Variants in IARS2 observed in about 807,000 individuals in gnomAD.
The protein encoded by IARS2 is isoleucine--tRNA ligase, mitochondrial.
A neutral mutation model predicts 126.3 loss-of-function variants in IARS2; 56 were observed. The ratio of observed to expected loss-of-function variants is 0.44; its 90% CI spans 0.36 to 0.55. The LOEUF (loss-of-function observed/expected upper bound fraction) is 0.55. Among genes scored for constraint, IARS2 ranks in the 20% least tolerant of loss-of-function variants. The pLI is 0.00. For synonymous variants in IARS2, 407 were observed against 441.1 expected, an observed-to-expected ratio of 0.92 and a Z score of 0.97; for missense variants, 1,127 against 1,245.9, an observed-to-expected ratio of 0.90 and a Z score of 1.44.
At position 220,103,358 on chromosome 1, in the gene IARS2, T is replaced by A. The variant is rs1342570045; in HGVS notation, c.951-89T>A. 9.9e-5 allele frequency: 86 copies of A among 872,906 alleles called. 1 individual carries two copies. The South Asian group carries it at 1.3e-3, about 13-fold the overall frequency. The allele number at this position is 872,906 out of a possible 1,614,324, so 54.1% of individuals were successfully genotyped here. ...CCACCGCGCTGGCCTGAAGTCAGTT[T>A]TTTCTAAAATGATTATTTAAAAATT... On this transcript the variant is annotated intron_variant, in intron 7 of 22. Coordinates refer to ENST00000366922, the MANE Select transcript of IARS2 (RefSeq NM_018060.4).
intron 1 of IARS2, among the ~76,000 whole-genome samples, chr1:220,095,778 G>A (rs184581823): frequency 1.3e-5 from 2 of 152,316 alleles, no homozygotes; most frequent in Non-Finnish European, 2.9e-5. Context: ...TCAACATGTC[G>A]GGGGTGAGGA....
chr1:220,105,477 G>A (rs188695706), intron 8 of IARS2, among the ~76,000 whole-genome samples: 140 of 152,214 alleles, frequency 9.2e-4, no homozygotes, highest in African/African-American at 3.2e-3. Context: ...CTGGTGTCAC[G>A]TAGCTACTAC....
intron 21 of IARS2, 178 bp downstream of exon 21, chr1:220,143,312 AAATT>A (rs1171821324): frequency 5.7e-5 from 23 of 401,594 alleles, no homozygotes; most frequent in Non-Finnish European, 9.6e-5. Context: ...ATCTTTTAAT[AAATT>A]AAGCAAAGTC....
chr1:220,107,229 CCTTATA>C (rs1180542514), intron 10 of IARS2, 78 bp downstream of exon 10: 7 of 861,294 alleles, frequency 8.1e-6, no homozygotes, highest in African/African-American at 3.4e-5. Context: ...TATTTTCCCT[CCTTATA>C]CTTTAACAGA....
chr1:220,105,761 A>G, intron 8 of IARS2, 130 bp from the exon 9 acceptor site: 2 of 699,312 alleles, frequency 2.9e-6, no homozygotes, highest in Non-Finnish European at 4.9e-6. Context: ...GTTAAAGGGG[A>G]AGCTGGAATT....
intron 10 of IARS2, among the ~76,000 whole-genome samples, chr1:220,109,003 A>G (rs887697384): frequency 2.0e-5 from 3 of 151,948 alleles, no homozygotes; most frequent in Non-Finnish European, 4.4e-5. Context: ...AAAGGACAGT[A>G]CGTTTTAAGC....
intron 2 of IARS2, among the ~76,000 whole-genome samples, chr1:220,097,291 C>T (rs1258936476): frequency 6.6e-6 from 1 of 151,812 alleles, no homozygotes; most frequent in Non-Finnish European, 1.5e-5. Context: ...TGCCCCACCC[C>T]AGACCCCCAG....
At chr1:220,097,552 AG>A (rs950730321) in intron 2 of IARS2, among the ~76,000 whole-genome samples, 1 of 150,566 alleles carries the variant, frequency 6.6e-6, no homozygotes, top group East Asian at 2.0e-4. Flanking sequence ...TTTAGTAGAG[AG>A]GGGGTTTCAC....
chr1:220,140,701 C>T (rs899905693), intron 19 of IARS2, among the ~76,000 whole-genome samples: 2 of 148,002 alleles, frequency 1.4e-5, no homozygotes, highest in African/African-American at 2.5e-5. Flanking sequence ...GATTGGGTTC[C>T]GGGCCAGGCG....
chr1:220,131,556 G>T (rs1378286695), intron 14 of IARS2, among the ~76,000 whole-genome samples: 2 of 152,024 alleles, frequency 1.3e-5, no homozygotes, highest in Non-Finnish European at 2.9e-5. Context: ...TCTCCATGTT[G>T]GTCAGGCTGG....
chr1:220,095,185 C>T (rs1226559656), intron 1 of IARS2, among the ~76,000 whole-genome samples: 3 of 152,088 alleles, frequency 2.0e-5, no homozygotes, highest in African/African-American at 7.2e-5. Context: ...ATTACAGGTG[C>T]GCACCACCAC....
chr1:220,114,384 G>A lies in IARS2; in HGVS notation c.1550G>A (p.Arg517Gln), dbSNP rs936634544. 1.2e-5 allele frequency: 19 copies of A among 1,613,558 alleles called. No homozygotes were observed. Among genetic ancestry groups the A allele is most frequent in the Non-Finnish European group, 1.5e-5 (18 of 1,179,698 alleles). ...LNGMVEMMDR[R>Q]PYWCISRQRV... is the part of the protein sequence containing the mutation. ...GGCATGGTTGAAATGATGGACAGGC[G>A]GCCATATTGGTGTATATCAAGGCAA... The change falls in exon 12 of 23, where the codon CGG becomes CAG. Residue 517 changes from arginine (R) to glutamine (Q), a missense_variant. Physicochemically the swap from Arg to Gln is conservative, Grantham distance 43 (BLOSUM62 1). Transcript: ENST00000366922.
intron 3 of IARS2, among the ~76,000 whole-genome samples, chr1:220,101,305 A>G (rs1483436293): frequency 6.6e-6 from 1 of 152,256 alleles, no homozygotes; most frequent in Non-Finnish European, 1.5e-5. Context: ...TACAGAAGAC[A>G]GTAATAAAAT....
At chr1:220,096,822 G>A (rs577476691) in intron 2 of IARS2, among the ~76,000 whole-genome samples, 8 of 152,098 alleles carry the variant, frequency 5.3e-5, no homozygotes, top group Non-Finnish European at 1.0e-4. Flanking sequence ...CGAGGCAAGC[G>A]GATCACGAGG....
intron 21 of IARS2, 72 bp downstream of exon 21, chr1:220,143,206 T>A: frequency 9.2e-7 from 1 of 1,085,950 alleles, no homozygotes; most frequent in Non-Finnish European, 1.3e-6. Context: ...GCTTTTAAAA[T>A]GTGTCTAAAT....
chr1:220,117,018 T>C (rs941457818), intron 12 of IARS2, among the ~76,000 whole-genome samples: 2 of 151,898 alleles, frequency 1.3e-5, no homozygotes, highest in Non-Finnish European at 2.9e-5. Context: ...AGTGCTGAGA[T>C]TACAGGCATG....
In IARS2 at chr1:220,105,917, A is replaced by T. The variant is rs373657129; in HGVS notation, c.1093A>T (p.Ser365Cys). 12 of 1,613,964 alleles carry T rather than the reference A, an allele frequency of 7.4e-6. No homozygotes were observed. Among genetic ancestry groups the T allele is most frequent in the Non-Finnish European group, 9.3e-6 (11 of 1,179,980 alleles). The change falls in exon 9 of 23, where the codon AGT becomes TGT. Residue 365 changes from serine to cysteine, a missense_variant. By Grantham distance (112) the Ser-to-Cys change is moderately radical. Transcript: ENST00000366922. ...TGTAGATTTGGAAAATGGTACTTGC[A>T]GTCATCCATTAATTCCTGATAAAGC... Reference protein sequence around the residue: ...SGVDLENGTCSHPLIPDKASP... With the variant: ...SGVDLENGTCCHPLIPDKASP...
chr1:220,132,752 C>G (rs1030959461), intron 14 of IARS2, among the ~76,000 whole-genome samples: 1 of 152,022 alleles, frequency 6.6e-6, no homozygotes, highest in East Asian at 1.9e-4. Flanking sequence ...TCTTGAACTC[C>G]TGACCTCGTG....
chr1:220,142,015 A>G (rs1657501596), intron 20 of IARS2, 67 bp downstream of exon 20: 1 of 1,461,624 alleles, frequency 6.8e-7, no homozygotes, highest in Non-Finnish European at 9.4e-7. Context: ...TTCTACTTCT[A>G]TCTGCTTCAT....
Sources: allele counts gnomAD v4.1 joint callset (sites outside exome capture counted in the v4.1 genomes callset), GRCh38; gene constraint gnomAD v4.1.1; transcripts MANE v1.5; gene names NCBI Gene and HGNC (gene_info 2026-07-23, HGNC 2026-07-21).